Variants in INSRR observed in about 807,000 individuals in gnomAD.
INSRR encodes the protein insulin receptor related receptor, also known as insulin receptor-related protein.
In INSRR, 114 loss-of-function variants were observed where a neutral mutation model predicts 130.0. That is an observed-to-expected ratio of 0.88 (90% CI 0.75 to 1.02). INSRR has a LOEUF of 1.02. Ranked by LOEUF, INSRR falls within the 50% of genes least tolerant of loss-of-function variation. The pLI is 0.00. For missense variants in INSRR, 1,657 were observed against 1,735.2 expected (o/e 0.95, Z 0.80); for synonymous variants, 674 against 705.2 (o/e 0.96, Z 0.70).
chr1:156,842,244 A>T lies in INSRR; in HGVS notation c.3265T>A (p.Leu1089Met). 3 of 1,613,732 alleles carry T rather than the reference A, an allele frequency of 1.9e-6. No homozygotes were observed. Among genetic ancestry groups the T allele is most frequent in the East Asian group, 2.2e-5 (1 of 44,864 alleles). The change falls in exon 19 of 22, where the codon TTG becomes ATG. Residue 1089 changes from leucine (L) to methionine (M), a missense_variant. Transcript: ENST00000368195. Reference sequence around the variant, plus strand: ...CCAGCCATTTGGATCATTTCCCCCAATGCTGGCTGTGGGAGCCCAGGGTTG... The same window carrying T: ...CCAGCCATTTGGATCATTTCCCCCATTGCTGGCTGTGGGAGCCCAGGGTTG... ...ENNPGLPQPA[L>M]GEMIQMAGEI...
intron 2 of INSRR, among the ~76,000 whole-genome samples, chr1:156,852,943 G>A (rs180854379): frequency 1.3e-5 from 2 of 152,190 alleles, no homozygotes; most frequent in East Asian, 3.9e-4. Flanking sequence ...CTGACCTCCA[G>A]GAGCTGAGTG....
chr1:156,850,208 G>T (rs1020069204), intron 5 of INSRR, among the ~76,000 whole-genome samples: 1 of 152,002 alleles, frequency 6.6e-6, no homozygotes, highest in Non-Finnish European at 1.5e-5. Context: ...GGCCTGGTTG[G>T]TTATTTATTT....
At chr1:156,852,224 A>G in intron 2 of INSRR, 33 bp from the exon 3 acceptor site, 2 of 1,548,094 alleles carry the variant, frequency 1.3e-6, no homozygotes, top group East Asian at 2.3e-5. Flanking sequence ...GACGTTGGCC[A>G]TGCCCCCTCA....
rs1459611436 is a variant in INSRR at position 156,840,819 on chromosome 1, G to A, written c.*54C>T. 2 of 1,375,760 alleles carry A rather than the reference G, an allele frequency of 1.5e-6. No homozygotes were observed. Among genetic ancestry groups the A allele is most frequent in the East Asian group, 2.4e-5 (1 of 42,476 alleles). 85.2% of individuals were successfully genotyped at this position (1,375,760 alleles called of 1,614,324 possible). On this transcript the variant is annotated 3_prime_UTR_variant, in exon 22 of 22. Transcript: ENST00000368195. ...ACATTCAGGCGTCTCAGCCACAGAG[G>A]TCGGGTCCCTTCCTGTCTCCCCATG...
rs1654717082 is a variant in INSRR at position 156,840,108 on chromosome 1, T to C, written c.*765A>G. On this transcript the variant is annotated 3_prime_UTR_variant, in exon 22 of 22. Transcript: ENST00000368195. ...TATTGTGCCTTCTCCAGTCTTCCCATGAGAGGCAGGGGTGGGGGCGGGGCT... is the reference window on the plus strand; with the variant it reads ...TATTGTGCCTTCTCCAGTCTTCCCACGAGAGGCAGGGGTGGGGGCGGGGCT... The C allele has an allele frequency of 2.0e-5, 1 of 49,886 alleles. No homozygotes were observed. The highest frequency in any genetic ancestry group is 3.7e-5 in the Non-Finnish European group (1 of 27,054). 3.1% of individuals were successfully genotyped at this position (49,886 alleles called of 1,614,324 possible).
intron 1 of INSRR, among the ~76,000 whole-genome samples, chr1:156,856,285 T>C (rs975997339): frequency 6.6e-6 from 1 of 152,190 alleles, no homozygotes; most frequent in Non-Finnish European, 1.5e-5. Flanking sequence ...TGGCACTCAA[T>C]AAATATTTGA....
In INSRR at chr1:156,854,026, T is replaced by C; in HGVS notation, c.363A>G (p.Pro121=). ...LGYALVIFEM[P]HLRDVALPAL... is the part of the protein sequence containing the mutation. ...CAGGCAGTGCCACGTCACGCAGATG[T>C]GGCATCTCAAAGATGACCAGTGCAT... is the stretch of plus-strand genomic sequence containing the variant. The change falls in exon 2 of 22, where the codon CCA becomes CCG. Residue 121 remains proline, a synonymous_variant. Transcript: ENST00000368195. This position sits in a 1 kb window ranked among gnomAD's most constrained non-coding sequence, Gnocchi z 4.2. 6.2e-7 allele frequency: 1 copy of C among 1,614,020 alleles called. No individual in the cohort carries two copies. The highest frequency in any genetic ancestry group is 8.5e-7 in the Non-Finnish European group (1 of 1,179,998).
At position 156,852,145 on chromosome 1, in the gene INSRR, G is replaced by A. The variant is rs1356783756; in HGVS notation, c.684C>T (p.Cys228=). The change falls in exon 3 of 22, where the codon TGC becomes TGT. Residue 228 remains cysteine (C), a synonymous_variant. Coordinates refer to ENST00000368195, the MANE Select transcript of INSRR (RefSeq NM_014215.3). ...AGCCCCCCAGGCATTCGGTGTGGCA[G>A]CACTCGCCCCTCGCTGTGCAAGCCA... The part of the protein sequence containing the change: ...HGMACTARGE[C]CHTECLGGCS... 6.2e-7 allele frequency: 1 copy of A among 1,611,846 alleles called. No individual in the cohort carries two copies. Among genetic ancestry groups the A allele is most frequent in the Non-Finnish European group, 8.5e-7 (1 of 1,178,866 alleles).
chr1:156,857,163 A>ATGTGTGTGTGTGTGTG (rs57324546), intron 1 of INSRR, among the ~76,000 whole-genome samples: 6 of 130,536 alleles, frequency 4.6e-5, no homozygotes, highest in African/African-American at 8.5e-5. Flanking sequence ...GCAGCTGTGT[A>ATGTGTGTGTGTGTGTG]TGTGTGTGTG....
chr1:156,843,788 C>G (rs1276514668), intron 15 of INSRR, among the ~76,000 whole-genome samples: 1 of 152,232 alleles, frequency 6.6e-6, no homozygotes, highest in African/African-American at 2.4e-5. Context: ...AAGGATCTGA[C>G]ATCAGGCATT....
chr1:156,845,751 G>GC lies in INSRR; in HGVS notation c.2041dup (p.Ala681GlyfsTer34). 6.2e-7 allele frequency: 1 copy of GC among 1,613,640 alleles called. No individual in the cohort carries two copies. Among genetic ancestry groups the GC allele is most frequent in the South Asian group, 1.1e-5 (1 of 91,078 alleles). ...AGGGCAGCAGTCGGACTCCATCTCG[G>GC]CCTCAGGATCCCCGTCTTCGCCGTC... is the stretch of plus-strand genomic sequence containing the variant. On this transcript the variant is annotated frameshift_variant, in exon 10 of 22. Coordinates refer to ENST00000368195, the MANE Select transcript of INSRR (RefSeq NM_014215.3). LOFTEE classifies it high-confidence loss of function.
At position 156,851,876 on chromosome 1, in the gene INSRR, C is replaced by G. The variant is rs1453708536; in HGVS notation, c.941+12G>C. 1.3e-6 allele frequency: 2 copies of G among 1,577,874 alleles called. No individual in the cohort carries two copies. The highest frequency in any genetic ancestry group is 1.3e-5 in the African/African-American group (1 of 74,478). ...CTGCTCCCAGGGTGCCCCCCACCCT[C>G]CCTACACTCACCTGCTGCTATTACG... is the stretch of plus-strand genomic sequence containing the variant. On this transcript the variant is annotated intron_variant, in intron 3 of 21. Transcript: ENST00000368195.
chr1:156,846,814 A>AC (rs1655031997), intron 7 of INSRR, 57 bp from the exon 8 acceptor site: 10 of 1,398,940 alleles, frequency 7.1e-6, no homozygotes, highest in Admixed American at 5.1e-5. Context: ...AAGTTCTGGC[A>AC]CCCCCGCTCT....
intron 2 of INSRR, 149 bp downstream of exon 2, chr1:156,853,603 C>T: frequency 1.2e-6 from 1 of 832,348 alleles, no homozygotes; most frequent in Admixed American, 2.7e-5. Flanking sequence ...TTTTCTGAGC[C>T]TTAGTTTCCT....
In INSRR at chr1:156,846,539, T is replaced by C; in HGVS notation, c.1790A>G (p.Tyr597Cys). ...PHQGAQSPIV[Y>C]LRTLPAAPTV... is the part of the protein sequence containing the mutation. The stretch of plus-strand genomic sequence containing the variant: ...CCTACCTGCAGGCAGCGTTCGGAGG[T>C]AGACGATGGGACTCTGGGCTCCTTG... Residue 597 changes from tyrosine (Y) to cysteine (C), a missense_variant, in exon 8 of 22, where the codon TAC (tyrosine) becomes TGC (cysteine). Transcript: ENST00000368195. The C allele has an allele frequency of 1.9e-6, 3 of 1,613,994 alleles. No individual in the cohort carries two copies. Among genetic ancestry groups the C allele is most frequent in the Non-Finnish European group, 2.5e-6 (3 of 1,179,936 alleles).
chr1:156,845,248 G>GC lies in INSRR; in HGVS notation c.2264dup (p.Asn756GlnfsTer15), dbSNP rs1245872690. 4.3e-6 allele frequency: 7 copies of GC among 1,611,112 alleles called. No homozygotes were observed. Among genetic ancestry groups the GC allele is most frequent in the Non-Finnish European group, 5.1e-6 (6 of 1,178,838 alleles). Reference sequence around the variant, plus strand: ...CCTGGATCTCGAAATCCGAGCTGTTGCCCCCCAGCCGGAGGGGCCCAGCTG... The same window carrying GC: ...CCTGGATCTCGAAATCCGAGCTGTTGCCCCCCCAGCCGGAGGGGCCCAGCTG... On this transcript the variant is annotated frameshift_variant, in exon 12 of 22. Transcript: ENST00000368195. LOFTEE classifies it high-confidence loss of function.
Position 156,840,429 on chromosome 1 carries a change from G to GCCCCCCCCCCCCC in INSRR, c.*443_*444insGGGGGGGGGGGGG, listed in dbSNP as rs369914973. ...GTGGCAAGCAAGGCAGTCATGTGGA[G>GCCCCCCCCCCCCC]CCCCACCCCCCTCCCATACATGCAT... On this transcript the variant is annotated 3_prime_UTR_variant, in exon 22 of 22. Coordinates refer to ENST00000368195, the MANE Select transcript of INSRR (RefSeq NM_014215.3). 6.3e-6 allele frequency: 1 copy of GCCCCCCCCCCCCC among 158,438 alleles called. No homozygotes were observed. The highest frequency in any genetic ancestry group is 1.4e-5 in the Non-Finnish European group (1 of 72,714). The allele number at this position is 158,438 out of a possible 1,614,324, so 9.8% of individuals were successfully genotyped here.
At chr1:156,850,596 C>G (rs1571668257) in intron 5 of INSRR, among the ~76,000 whole-genome samples, 1 of 137,506 alleles carries the variant, frequency 7.3e-6, no homozygotes, top group Non-Finnish European at 1.5e-5. Context: ...AACTCAGGCC[C>G]TAGGCTGGAG....
intron 5 of INSRR, among the ~76,000 whole-genome samples, chr1:156,850,025 C>G (rs569714980): frequency 4.3e-4 from 65 of 152,042 alleles, no homozygotes; most frequent in African/African-American, 1.5e-3. Flanking sequence ...ACCTCAGTCT[C>G]TTGAGTAGCT....
Sources: allele counts gnomAD v4.1 joint callset (sites outside exome capture counted in the v4.1 genomes callset), GRCh38; gene constraint gnomAD v4.1.1; non-coding constraint Gnocchi (gnomAD v3.1); transcripts MANE v1.5; gene names NCBI Gene and HGNC (gene_info 2026-07-23, HGNC 2026-07-21).